The following RNF169 variants were observed in gnomAD, a reference collection of about 807,000 sequenced individuals.
RNF169 encodes E3 ubiquitin-protein ligase RNF169.
Under a neutral mutation model 53.9 loss-of-function variants are expected in RNF169, and 24 were observed. The ratio of observed to expected loss-of-function variants is 0.45; its 90% CI spans 0.32 to 0.63. The LOEUF is 0.63. Among genes scored for constraint, RNF169 ranks in the 20% least tolerant of loss-of-function variants. RNF169 has a pLI of 0.04. For missense variants in RNF169, 883 were observed against 906.2 expected (o/e 0.97, Z 0.33); for synonymous variants, 396 against 363.5 (o/e 1.09, Z -1.02).
intron 1 of RNF169, among the ~76,000 whole-genome samples, chr11:74,768,890 A>G (rs1278261451): frequency 2.0e-5 from 3 of 151,510 alleles, no homozygotes; most frequent in Admixed American, 6.6e-5. Context: ...ACAAAAAAAT[A>G]TAAAAATTTA....
chr11:74,758,706 G>T (rs2035026115), intron 1 of RNF169, among the ~76,000 whole-genome samples: 1 of 152,220 alleles, frequency 6.6e-6, no homozygotes, highest in South Asian at 2.1e-4. Context: ...GGGTTTCACT[G>T]TTTTAGCGGG....
intron 1 of RNF169, among the ~76,000 whole-genome samples, chr11:74,750,080 A>G (rs900823107): frequency 3.3e-5 from 5 of 152,292 alleles, no homozygotes; most frequent in African/African-American, 9.6e-5. Context: ...GGCTGCTTCT[A>G]TCTCCTTGGC....
At chr11:74,802,776 G>A (rs924884054) in intron 2 of RNF169, among the ~76,000 whole-genome samples, 4 of 152,078 alleles carry the variant, frequency 2.6e-5, no homozygotes, top group African/African-American at 7.2e-5. Context: ...AAATATTTGC[G>A]GAACTGAGCT....
chr11:74,802,987 C>G (rs1464556730), intron 2 of RNF169, among the ~76,000 whole-genome samples: 1 of 152,066 alleles, frequency 6.6e-6, no homozygotes, highest in East Asian at 1.9e-4. Context: ...TTGGGGCAAT[C>G]TCGGCTCACC....
intron 4 of RNF169, among the ~76,000 whole-genome samples, chr11:74,818,537 T>A (rs771186093): frequency 1.3e-5 from 2 of 152,142 alleles, no homozygotes; most frequent in African/African-American, 4.8e-5. Flanking sequence ...ACCATAGCTG[T>A]GTGCCACCAT....
chr11:74,827,869 C>T (rs940284125), intron 4 of RNF169, among the ~76,000 whole-genome samples: 1 of 152,140 alleles, frequency 6.6e-6, no homozygotes, highest in Admixed American at 6.5e-5. Flanking sequence ...GACCCACAGC[C>T]AATACCATTC....
In RNF169 at chr11:74,789,676, G is replaced by A; in HGVS notation, c.553G>A (p.Glu185Lys). Residue 185 changes from glutamate (E) to lysine (K), a missense_variant, in exon 2 of 6, where the codon GAG becomes AAG. This residue lies in a region of RNF169 where 313 missense variants were observed against 279.9 expected (regional missense o/e 1.12). Transcript: ENST00000299563. ...ATTAAGCAAGCCTGGGGAACTTCGTGAGGAATATGAAAGCTTGAGAAAGGT... is the reference window on the plus strand; with the variant it reads ...ATTAAGCAAGCCTGGGGAACTTCGTAAGGAATATGAAAGCTTGAGAAAGGT... ...IKLSKPGELR[E>K]EYESLRKLRE... 1 of 1,605,504 alleles carries A rather than the reference G, an allele frequency of 6.2e-7. No individual in the cohort carries two copies. The highest frequency in any genetic ancestry group is 8.5e-7 in the Non-Finnish European group (1 of 1,172,684).
At chr11:74,819,042 A>ACATAATCAAACCAGC (rs899722679) in intron 4 of RNF169, among the ~76,000 whole-genome samples, 18 of 152,070 alleles carry the variant, frequency 1.2e-4, no homozygotes, top group Non-Finnish European at 2.2e-4. Flanking sequence ...ATACAAAGAA[A>ACATAATCAAACCAGC]CATAATCAAA....
At chr11:74,798,185 C>T (rs568117285) in intron 2 of RNF169, among the ~76,000 whole-genome samples, 3 of 152,264 alleles carry the variant, frequency 2.0e-5, no homozygotes, top group Non-Finnish European at 2.9e-5. Flanking sequence ...GTTTAGGAAA[C>T]GAGAGATAAC....
At chr11:74,783,935 A>T (rs1378163251) in intron 1 of RNF169, among the ~76,000 whole-genome samples, 1 of 152,224 alleles carries the variant, frequency 6.6e-6, no homozygotes, top group Non-Finnish European at 1.5e-5. Flanking sequence ...ATACTGTTGA[A>T]TGCATACATG....
At chr11:74,789,904 T>G (rs994462026) in intron 2 of RNF169, among the ~76,000 whole-genome samples, 1 of 152,230 alleles carries the variant, frequency 6.6e-6, no homozygotes, top group South Asian at 2.1e-4. Context: ...TAGTTGTCTT[T>G]TCAAAGATGA....
intron 4 of RNF169, among the ~76,000 whole-genome samples, chr11:74,828,757 A>G (rs2036134405): frequency 6.6e-6 from 1 of 152,206 alleles, no homozygotes; most frequent in Non-Finnish European, 1.5e-5. Context: ...CCTATTTAGT[A>G]AGTGGTGCTG....
intron 2 of RNF169, among the ~76,000 whole-genome samples, chr11:74,794,389 G>C (rs1441767962): frequency 6.6e-6 from 1 of 152,186 alleles, no homozygotes; most frequent in Non-Finnish European, 1.5e-5. Context: ...GGACATGAAG[G>C]ATGTGATAGT....
At chr11:74,807,990 TAGC>T (rs1374185974) in intron 2 of RNF169, 4 of 152,200 alleles carry the variant, frequency 2.6e-5, no homozygotes, top group African/African-American at 7.2e-5. Flanking sequence ...AATGGTCTGT[TAGC>T]AGTGGCTCAG....
intron 2 of RNF169, among the ~76,000 whole-genome samples, chr11:74,798,667 C>G (rs2035684982): frequency 6.6e-6 from 1 of 152,162 alleles, no homozygotes; most frequent in South Asian, 2.1e-4. Flanking sequence ...ACTCCCTCCC[C>G]TTTTGAAAAT....
intron 2 of RNF169, among the ~76,000 whole-genome samples, chr11:74,806,134 A>G (rs1266681991): frequency 6.6e-6 from 1 of 152,328 alleles, no homozygotes; most frequent in East Asian, 1.9e-4. Flanking sequence ...AACTCTTACA[A>G]ATTACTAGAG....
At chr11:74,780,163 C>T (rs1362406680) in intron 1 of RNF169, among the ~76,000 whole-genome samples, 2 of 152,160 alleles carry the variant, frequency 1.3e-5, no homozygotes, top group African/African-American at 4.8e-5. Context: ...AGTTGTTTCA[C>T]CCAAGTATGT....
At chr11:74,753,356 G>A (rs1223030109) in intron 1 of RNF169, among the ~76,000 whole-genome samples, 1 of 152,184 alleles carries the variant, frequency 6.6e-6, no homozygotes. Context: ...GTTTACATGA[G>A]TTGATAGTAG....
At chr11:74,821,657 C>CA (rs1230736435) in intron 4 of RNF169, among the ~76,000 whole-genome samples, 2,904 of 26,004 alleles carry the variant, frequency 0.11, 403 homozygotes, top group Middle Eastern at 0.21. Flanking sequence ...GACTCCGTCT[C>CA]AAAAAAAAAA....
Sources: allele counts gnomAD v4.1 joint callset (sites outside exome capture counted in the v4.1 genomes callset), GRCh38; gene constraint gnomAD v4.1.1; regional missense constraint gnomAD v4.1.1; transcripts MANE v1.5; gene names NCBI Gene and HGNC (gene_info 2026-07-23, HGNC 2026-07-21).